The following SH3RF3 variants were observed in gnomAD, a reference collection of about 807,000 sequenced individuals.
SH3RF3 encodes the protein SH3 domain containing ring finger 3, also known as E3 ubiquitin-protein ligase SH3RF3.
SH3RF3 carries 29 observed loss-of-function variants against 66.3 expected under a neutral mutation model. The observed-to-expected ratio is 0.44, with a 90% CI of 0.33 to 0.60. The LOEUF (loss-of-function observed/expected upper bound fraction) is 0.60, where lower values mean the gene tolerates loss of function less well. Among genes scored for constraint, SH3RF3 ranks in the 20% least tolerant of loss-of-function variants. The probability of loss-of-function intolerance (pLI) is 0.04; values close to 1 mark genes in which losing one functional copy is unlikely to be tolerated. For synonymous variants in SH3RF3, 583 were observed against 532.0 expected (o/e 1.10, Z -1.32); for missense variants, 1,194 against 1,190.9 (o/e 1.00, Z -0.04).
chr2:109,192,680 T>C (rs1351643552), intron 1 of SH3RF3, among the ~76,000 whole-genome samples: 6 of 152,228 alleles, frequency 3.9e-5, no homozygotes, highest in Non-Finnish European at 7.3e-5. Context: ...AAGACTCTTA[T>C]AGATGACTGC....
intron 3 of SH3RF3, among the ~76,000 whole-genome samples, chr2:109,386,154 T>C (rs1316479259): frequency 6.6e-6 from 1 of 152,226 alleles, no homozygotes. Context: ...GCTGCAAAGC[T>C]GACCGCCTTG....
chr2:109,381,179 G>A (rs558886590), intron 3 of SH3RF3, among the ~76,000 whole-genome samples: 1 of 152,360 alleles, frequency 6.6e-6, no homozygotes, highest in South Asian at 2.1e-4. Flanking sequence ...AGGACTGGAA[G>A]TGTGTCAGCC....
intron 8 of SH3RF3, among the ~76,000 whole-genome samples, chr2:109,462,791 C>G (rs1015569718): frequency 2.0e-5 from 3 of 152,168 alleles, no homozygotes; most frequent in African/African-American, 7.2e-5. Flanking sequence ...CAGGGCCATA[C>G]TTGAACTGTT....
In SH3RF3 at chr2:109,343,693, C is replaced by T. The variant is rs565700191; in HGVS notation, c.574-3981C>T. 3.0e-4 allele frequency among the ~76,000 whole-genome samples: 45 copies of T among 151,646 alleles called. 1 individual carries two copies. The East Asian group carries it at 7.4e-3, about 25-fold the overall frequency. On this transcript the variant is annotated intron_variant, in intron 1 of 9. Coordinates refer to ENST00000309415, the MANE Select transcript of SH3RF3 (RefSeq NM_001099289.3). ...TACCACCTGTGGAGAGGTGGCCAGG[C>T]GTACAATCTCCAGTCTGCCCCTGCT...
chr2:109,240,044 C>G (rs1486715939), intron 1 of SH3RF3, among the ~76,000 whole-genome samples: 1 of 152,194 alleles, frequency 6.6e-6, no homozygotes, highest in Non-Finnish European at 1.5e-5. Context: ...GGCCGGGGCT[C>G]TGGCCCAGAC....
chr2:109,384,519 G>A (rs1224408273), intron 3 of SH3RF3, among the ~76,000 whole-genome samples: 2 of 151,948 alleles, frequency 1.3e-5, no homozygotes, highest in Admixed American at 6.6e-5. Context: ...GGTCAGAGGG[G>A]CAGTGGGAAA....
intron 4 of SH3RF3, among the ~76,000 whole-genome samples, chr2:109,417,702 G>A (rs1315072544): frequency 2.0e-5 from 3 of 152,194 alleles, no homozygotes; most frequent in African/African-American, 7.2e-5. Flanking sequence ...GGTTGCACCC[G>A]CTCATTCTGC....
intron 1 of SH3RF3, among the ~76,000 whole-genome samples, chr2:109,322,306 A>G (rs1344111094): frequency 6.6e-6 from 1 of 152,110 alleles, no homozygotes; most frequent in Non-Finnish European, 1.5e-5. Flanking sequence ...CTGTAAACCC[A>G]TGGAGTCTGA....
intron 2 of SH3RF3, among the ~76,000 whole-genome samples, chr2:109,369,105 G>A (rs904196195): frequency 2.0e-5 from 3 of 152,106 alleles, no homozygotes; most frequent in Admixed American, 2.0e-4. Flanking sequence ...AGCACTTTGG[G>A]AGGCCGAGGT....
intron 1 of SH3RF3, among the ~76,000 whole-genome samples, chr2:109,217,346 T>C (rs1652158153): frequency 6.6e-6 from 1 of 152,232 alleles, no homozygotes; most frequent in Non-Finnish European, 1.5e-5. Context: ...TATTTGGAAC[T>C]GCACTTACCA....
At chr2:109,287,653 C>T (rs1034130265) in intron 1 of SH3RF3, among the ~76,000 whole-genome samples, 1 of 152,180 alleles carries the variant, frequency 6.6e-6, no homozygotes, top group African/African-American at 2.4e-5. Flanking sequence ...ACTGTGAGAT[C>T]AGGGTGTTCC....
At chr2:109,499,580 G>C (rs886491542) in intron 9 of SH3RF3, among the ~76,000 whole-genome samples, 18 of 152,204 alleles carry the variant, frequency 1.2e-4, no homozygotes, top group Admixed American at 9.2e-4. Flanking sequence ...GCTAGTGGGA[G>C]TGGGGATGGG....
chr2:109,149,434 A>T (rs1028151791), intron 1 of SH3RF3, among the ~76,000 whole-genome samples: 2 of 152,140 alleles, frequency 1.3e-5, no homozygotes, highest in Admixed American at 6.5e-5. Context: ...GCACTTCTAA[A>T]CCTCTTTAAT....
intron 9 of SH3RF3, among the ~76,000 whole-genome samples, chr2:109,495,744 G>A (rs1679243214): frequency 6.6e-6 from 1 of 152,084 alleles, no homozygotes. Context: ...CGCCCACCTC[G>A]GATTCCCAGA....
chr2:109,363,854 T>C (rs1683101346), intron 2 of SH3RF3, among the ~76,000 whole-genome samples: 1 of 152,208 alleles, frequency 6.6e-6, no homozygotes, highest in Non-Finnish European at 1.5e-5. Flanking sequence ...TTATAGGTAA[T>C]GTGTTTTTTC....
intron 8 of SH3RF3, among the ~76,000 whole-genome samples, chr2:109,477,798 A>C (rs1678727090): frequency 6.6e-6 from 1 of 152,178 alleles, no homozygotes; most frequent in African/African-American, 2.4e-5. Context: ...CAATAGGGCA[A>C]GGGAGCTCTC....
chr2:109,183,747 A>T (rs1184993265), intron 1 of SH3RF3, among the ~76,000 whole-genome samples: 1 of 152,228 alleles, frequency 6.6e-6, no homozygotes, highest in African/African-American at 2.4e-5. Context: ...TCCTCCCAGC[A>T]GCTCGGTCAG....
intron 1 of SH3RF3, among the ~76,000 whole-genome samples, chr2:109,292,263 A>G (rs1681202544): frequency 6.6e-6 from 1 of 152,262 alleles, no homozygotes; most frequent in East Asian, 1.9e-4. Context: ...ATATTTTTAA[A>G]TAGGAAATAA....
rs1301992415 is a variant in SH3RF3, at chr2:109,143,811, C to T, written c.573+13698C>T. 2.0e-5 allele frequency among the ~76,000 whole-genome samples: 3 copies of T among 148,748 alleles called. No individual in the cohort carries two copies. The East Asian group carries it at 6.0e-4, about 30-fold the overall frequency. ...AAGGCTGCCTGTGCTGTGCTGTATA[C>T]ACACACACACACACACACACACGTA... is the stretch of plus-strand genomic sequence containing the variant. On this transcript the variant is annotated intron_variant, in intron 1 of 9. Coordinates refer to ENST00000309415, the MANE Select transcript of SH3RF3 (RefSeq NM_001099289.3).
Sources: allele counts gnomAD v4.1 joint callset (sites outside exome capture counted in the v4.1 genomes callset), GRCh38; gene constraint gnomAD v4.1.1; transcripts MANE v1.5; gene names NCBI Gene and HGNC (gene_info 2026-07-23, HGNC 2026-07-21).